CTNNBL1: variants seen among roughly 807,000 people sequenced by gnomAD.
CTNNBL1 encodes beta-catenin-like protein 1.
CTNNBL1 carries 31 observed loss-of-function variants against 72.7 expected under a neutral mutation model. The ratio of observed to expected loss-of-function variants is 0.43; its 90% confidence interval spans 0.32 to 0.58. The LOEUF is 0.58. CTNNBL1 is among the 20% of genes least tolerant of loss of function. The pLI, the probability that CTNNBL1 is intolerant of heterozygous loss-of-function variation, is 0.08. For synonymous variants in CTNNBL1, 240 were observed against 267.3 expected (o/e 0.90, Z 1.00); for missense variants, 534 against 725.1 (o/e 0.74, Z 3.03).
intron 7 of CTNNBL1, among the ~76,000 whole-genome samples, chr20:37,775,356 C>T (rs2073564634): frequency 6.6e-6 from 1 of 152,162 alleles, no homozygotes; most frequent in Non-Finnish European, 1.5e-5. Context: ...AGCAGCTATC[C>T]AAACGCAGCT....
At chr20:37,839,958 A>G (rs1044861420) in intron 11 of CTNNBL1, 144 bp from the exon 12 acceptor site, 51 of 585,986 alleles carry the variant, frequency 8.7e-5, no homozygotes, top group African/African-American at 7.7e-4. Context: ...TAGTGACACA[A>G]TTTAGGTTCT....
chr20:37,812,269 G>A (rs1423544812), intron 11 of CTNNBL1, among the ~76,000 whole-genome samples: 2 of 152,142 alleles, frequency 1.3e-5, no homozygotes, highest in East Asian at 3.8e-4. Context: ...TATAGTTATT[G>A]CACATTTGCC....
At position 37,723,124 on chromosome 20, in the gene CTNNBL1, C is replaced by T. The variant is rs1441711136; in HGVS notation, c.31-9755C>T. ...AGCAGATGTCAAAGTAAACCATGGA[C>T]ATTAAAGTATAGTTTGTACTTCTAA... On this transcript the variant is annotated intron_variant, in intron 1 of 15. Coordinates refer to ENST00000361383, the MANE Select transcript of CTNNBL1 (RefSeq NM_030877.5). 2.0e-5 allele frequency among the ~76,000 whole-genome samples: 3 copies of T among 152,182 alleles called. No individual in the cohort carries two copies. In the East Asian group the frequency reaches 5.8e-4, roughly 29 times the overall value.
At chr20:37,757,909 A>G (rs1246266249) in intron 5 of CTNNBL1, among the ~76,000 whole-genome samples, 4 of 152,108 alleles carry the variant, frequency 2.6e-5, no homozygotes, top group Middle Eastern at 3.4e-3. Context: ...CATTCTTCTC[A>G]CCACATCCTC....
At chr20:37,819,372 G>A (rs2072086070) in intron 11 of CTNNBL1, among the ~76,000 whole-genome samples, 2 of 152,036 alleles carry the variant, frequency 1.3e-5, no homozygotes, top group South Asian at 4.1e-4. Context: ...ATAAAGTTGG[G>A]TGCACACCAT....
At chr20:37,844,970 C>T (rs1453745130) in intron 13 of CTNNBL1, among the ~76,000 whole-genome samples, 2 of 152,072 alleles carry the variant, frequency 1.3e-5, no homozygotes, top group Non-Finnish European at 1.5e-5. Context: ...CAAAACACCT[C>T]GCGTTAAAGG....
chr20:37,760,927 A>G (rs891728328), intron 5 of CTNNBL1, among the ~76,000 whole-genome samples: 1 of 152,222 alleles, frequency 6.6e-6, no homozygotes, highest in African/African-American at 2.4e-5. Flanking sequence ...CAAACACTCA[A>G]TAAAACCACA....
chr20:37,824,968 A>G (rs1376290768), intron 11 of CTNNBL1, among the ~76,000 whole-genome samples: 1 of 152,232 alleles, frequency 6.6e-6, no homozygotes, highest in African/African-American at 2.4e-5. Context: ...TAATCACATG[A>G]TCATACCTAA....
intron 13 of CTNNBL1, among the ~76,000 whole-genome samples, chr20:37,850,847 T>A (rs2072390225): frequency 6.6e-6 from 1 of 152,198 alleles, no homozygotes; most frequent in African/African-American, 2.4e-5. Flanking sequence ...CCCGTGTTAT[T>A]AAGGCAAGAG....
chr20:37,778,955 A>G (rs2073600497), intron 9 of CTNNBL1, among the ~76,000 whole-genome samples: 1 of 151,198 alleles, frequency 6.6e-6, no homozygotes, highest in African/African-American at 2.4e-5. Context: ...ACTGTCAATT[A>G]CTGATGGACC....
At chr20:37,760,362 C>G (rs543760997) in intron 5 of CTNNBL1, among the ~76,000 whole-genome samples, 6 of 152,300 alleles carry the variant, frequency 3.9e-5, no homozygotes, top group African/African-American at 1.4e-4. Context: ...CTTCCACTTG[C>G]CTAGCCTTGC....
intron 13 of CTNNBL1, among the ~76,000 whole-genome samples, chr20:37,850,877 A>G (rs550017676): frequency 7.8e-4 from 119 of 152,342 alleles, no homozygotes; most frequent in Non-Finnish European, 1.5e-3. Context: ...TTGGCTTCAT[A>G]GCAGCCTCTT....
intron 5 of CTNNBL1, among the ~76,000 whole-genome samples, chr20:37,758,167 C>T (rs2073381470): frequency 6.6e-6 from 1 of 152,198 alleles, no homozygotes; most frequent in Non-Finnish European, 1.5e-5. Flanking sequence ...ATTATTATTA[C>T]TTATTTTACA....
chr20:37,713,727 T>C lies in CTNNBL1; in HGVS notation c.31-19152T>C, dbSNP rs116003325. 5.5e-3 allele frequency among the ~76,000 whole-genome samples: 843 copies of C among 152,294 alleles called. 6 individuals are homozygous for C. Among genetic ancestry groups the C allele is most frequent in the African/African-American group, 0.019 (801 of 41,556 alleles). ...GGGATGGCGTGTTCCTGAATTTAAG[T>C]GAATGCAAAGCAGCTCATAGAGGAG... On this transcript the variant is annotated intron_variant, in intron 1 of 15. Coordinates refer to ENST00000361383, the MANE Select transcript of CTNNBL1 (RefSeq NM_030877.5).
At chr20:37,787,124 AT>A (rs556666829) in intron 10 of CTNNBL1, among the ~76,000 whole-genome samples, 15,085 of 128,934 alleles carry the variant, frequency 0.12, 1,123 homozygotes, top group African/African-American at 0.25. Context: ...TATCCTTAGC[AT>A]TTTTTTTTTT....
intron 11 of CTNNBL1, among the ~76,000 whole-genome samples, chr20:37,834,106 G>T (rs2072235096): frequency 6.6e-6 from 1 of 152,042 alleles, no homozygotes; most frequent in South Asian, 2.1e-4. Flanking sequence ...TCCAGACTGT[G>T]GTGAGCCGTG....
chr20:37,775,894 A>G (rs371355946), intron 7 of CTNNBL1, among the ~76,000 whole-genome samples: 11 of 152,338 alleles, frequency 7.2e-5, no homozygotes, highest in Middle Eastern at 3.4e-3. Flanking sequence ...AACAAGAACC[A>G]TGGCCCTTGC....
chr20:37,871,881 G>T, intron 15 of CTNNBL1, 44 bp from the exon 16 acceptor site: 1 of 1,518,976 alleles, frequency 6.6e-7, no homozygotes, highest in East Asian at 2.3e-5. Flanking sequence ...CACGGTGGAT[G>T]CCATGCCTGG....
intron 5 of CTNNBL1, among the ~76,000 whole-genome samples, chr20:37,759,430 T>A (rs545991252): frequency 1.3e-5 from 2 of 152,088 alleles, no homozygotes; most frequent in African/African-American, 4.8e-5. Context: ...AGCCTGGCTG[T>A]TGCATGTAAA....
Sources: gnomAD v4.1 joint callset for allele counts (sites outside exome capture counted in the v4.1 genomes callset) on GRCh38, gnomAD v4.1.1 for gene constraint, MANE v1.5 for transcripts, NCBI Gene and HGNC (gene_info 2026-07-23, HGNC 2026-07-21) for gene names.